TYRP1: variants seen among roughly 807,000 people sequenced by gnomAD.
TYRP1 encodes tyrosinase related protein 1.
TYRP1 carries 49 observed loss-of-function variants against 42.8 expected under a neutral mutation model. The ratio of observed to expected loss-of-function variants is 1.14; its 90% CI spans 0.91 to 1.45. TYRP1 has a LOEUF of 1.45. TYRP1 is among the 40% of genes most tolerant of loss of function. TYRP1 has a pLI of 0.00. For synonymous variants in TYRP1, 279 were observed against 235.4 expected, an observed-to-expected ratio of 1.19 and a Z score of -1.69; for missense variants, 848 against 662.0, an observed-to-expected ratio of 1.28 and a Z score of -3.08.
In TYRP1 at chr9:12,702,306, G is replaced by T. The variant is rs778721579; in HGVS notation, c.949G>T (p.Gly317Ter). The T allele has an allele frequency of 1.2e-6, 2 of 1,613,120 alleles. No individual in the cohort carries two copies. Reference protein sequence around the residue: ...EDGPIRRNPAGNVARPMVQRL... With the variant: ...EDGPIRRNPA ...TGGGCCAATTAGGAGAAATCCAGCT[G>T]GAAATGTGGCCAGACCAATGGTGCA... The change falls in exon 5 of 8, where the codon GGA becomes TGA. Residue 317 changes from glycine to a stop codon, truncating the protein, a stop_gained. Coordinates refer to ENST00000388918, the MANE Select transcript of TYRP1 (RefSeq NM_000550.3). LOFTEE classifies it high-confidence loss of function.
intron 6 of TYRP1, 22 bp from the exon 7 acceptor site, chr9:12,707,975 C>G (rs41303657): frequency 1.3e-6 from 2 of 1,596,864 alleles, no homozygotes; most frequent in East Asian, 2.3e-5. Flanking sequence ...TTTATTAATA[C>G]GTTGTCTTTG....
chr9:12,695,948 A>G (rs1323143499), intron 3 of TYRP1, 111 bp downstream of exon 3: 2 of 1,162,306 alleles, frequency 1.7e-6, no homozygotes, highest in East Asian at 2.5e-5. Context: ...ATGAAAAAGC[A>G]ATTTTATGTT....
At chr9:12,703,096 T>C (rs989562346) in intron 5 of TYRP1, among the ~76,000 whole-genome samples, 2 of 151,996 alleles carry the variant, frequency 1.3e-5, no homozygotes, top group African/African-American at 4.8e-5. Flanking sequence ...CCAGTGTCTT[T>C]GTATAATAAA....
At chr9:12,700,584 G>T (rs1818150882) in intron 4 of TYRP1, 1 of 152,036 alleles carries the variant, frequency 6.6e-6, no homozygotes, top group African/African-American at 2.4e-5. Context: ...GATGTTAGGT[G>T]CAATGGCAGA....
At chr9:12,697,602 A>G (rs1184162837) in intron 3 of TYRP1, among the ~76,000 whole-genome samples, 1 of 152,134 alleles carries the variant, frequency 6.6e-6, no homozygotes, top group Non-Finnish European at 1.5e-5. Flanking sequence ...AACAATTGCA[A>G]TCCCTACATT....
At chr9:12,701,319 C>T (rs1335191782) in intron 4 of TYRP1, among the ~76,000 whole-genome samples, 1 of 151,938 alleles carries the variant, frequency 6.6e-6, no homozygotes, top group African/African-American at 2.4e-5. Flanking sequence ...AACAGGCCCT[C>T]CCCCTTTTTT....
At chr9:12,698,419 CAG>C in intron 3 of TYRP1, 30 bp from the exon 4 acceptor site, 2 of 1,577,990 alleles carry the variant, frequency 1.3e-6, no homozygotes, top group Non-Finnish European at 8.7e-7. Flanking sequence ...TAAACAGAAG[CAG>C]AGAGTATTAA....
rs1358471766 is a variant in TYRP1 at position 12,709,993 on chromosome 9, A to G, written c.*811A>G. The stretch of plus-strand genomic sequence containing the variant: ...TGGAGAACATGTTTTATACTGCTCT[A>G]TAAATAGTATTCCAATCACTGTGCT... On this transcript the variant is annotated 3_prime_UTR_variant, in exon 8 of 8. Coordinates refer to ENST00000388918, the MANE Select transcript of TYRP1 (RefSeq NM_000550.3). 2 of 151,864 alleles carry G rather than the reference A, an allele frequency of 1.3e-5. No homozygotes were observed. The highest frequency in any genetic ancestry group is 4.8e-5 in the African/African-American group (2 of 41,434). 9.4% of individuals were successfully genotyped at this position (151,864 alleles called of 1,614,324 possible).
chr9:12,708,840 T>TC, intron 7 of TYRP1, 137 bp from the exon 8 acceptor site: 2 of 810,456 alleles, frequency 2.5e-6, no homozygotes, highest in Non-Finnish European at 4.0e-6. Context: ...AGGAAGTGGC[T>TC]TCAAGGCCAT....
rs542056783 is a variant in TYRP1, at chr9:12,709,051, G to T, written c.1483G>T (p.Gly495Trp). The T allele has an allele frequency of 1.2e-5, 19 of 1,612,780 alleles. No homozygotes were observed. The highest frequency in any genetic ancestry group is 1.7e-4 in the Middle Eastern group (1 of 6,058). Reference protein sequence around the residue: ...GALLLVALIFGTASYLIRARR... With the variant: ...GALLLVALIFWTASYLIRARR... ...TTTGTTACTGGTTGCACTCATTTTT[G>T]GGACTGCTTCTTATCTGATTCGTGC... Residue 495 changes from glycine to tryptophan, a missense_variant, in exon 8 of 8, where the codon GGG becomes TGG. Gly to Trp is a radical substitution (Grantham distance 184). Coordinates refer to ENST00000388918, the MANE Select transcript of TYRP1 (RefSeq NM_000550.3).
rs1221621578 is a variant in TYRP1, at chr9:12,695,816, G to A, written c.687G>A (p.Leu229=). Residue 229 remains leucine, a synonymous_variant, in exon 3 of 8, where the codon CTG becomes CTA. Coordinates refer to ENST00000388918, the MANE Select transcript of TYRP1 (RefSeq NM_000550.3). ...AFLTWHRYHL[L]RLEKDMQEML... is the part of the protein sequence containing the mutation. Reference sequence around the variant, plus strand: ...TCACATGGCACAGGTACCACCTCCTGCGTCTGGAGAAAGACATGCAGGTAT... The same window carrying A: ...TCACATGGCACAGGTACCACCTCCTACGTCTGGAGAAAGACATGCAGGTAT... 1.9e-6 allele frequency: 3 copies of A among 1,614,104 alleles called. No individual in the cohort carries two copies. The highest frequency in any genetic ancestry group is 2.5e-6 in the Non-Finnish European group (3 of 1,180,014).
chr9:12,698,476 C>T lies in TYRP1; in HGVS notation c.734C>T (p.Ser245Phe). Reference sequence around the variant, plus strand: ...GAAATGTTGCAAGAGCCTTCTTTCTCCCTTCCTTACTGGAATTTTGCAACG... The same window carrying T: ...GAAATGTTGCAAGAGCCTTCTTTCTTCCTTCCTTACTGGAATTTTGCAACG... The part of the protein sequence containing the change: ...MQEMLQEPSF[S>F]LPYWNFATGK... The change falls in exon 4 of 8, where the codon TCC (serine) becomes TTC (phenylalanine). Residue 245 changes from serine (S) to phenylalanine (F), a missense_variant. Ser to Phe is a radical substitution (Grantham distance 155). Coordinates refer to ENST00000388918, the MANE Select transcript of TYRP1 (RefSeq NM_000550.3). 1 of 1,613,686 alleles carries T rather than the reference C, an allele frequency of 6.2e-7. No homozygotes were observed. Among genetic ancestry groups the T allele is most frequent in the Non-Finnish European group, 8.5e-7 (1 of 1,179,746 alleles).
At position 12,709,791 on chromosome 9, in the gene TYRP1, A is replaced by C. The variant is rs965954145; in HGVS notation, c.*609A>C. On this transcript the variant is annotated 3_prime_UTR_variant, in exon 8 of 8. Coordinates refer to ENST00000388918, the MANE Select transcript of TYRP1 (RefSeq NM_000550.3). ...GTTCAAGGCTACAACAAAAATCACC[A>C]TCTTTGTCAAACTTTGGAGAGGGAA... The C allele has an allele frequency of 6.5e-6, 1 of 152,672 alleles. No homozygotes were observed. Among genetic ancestry groups the C allele is most frequent in the African/African-American group, 2.4e-5 (1 of 41,406 alleles). The allele number at this position is 152,672 out of a possible 1,614,324, so 9.5% of individuals were successfully genotyped here. A position where few individuals can be genotyped will look rare whatever the true frequency, so the allele number is the denominator to read the frequency against.
intron 5 of TYRP1, 28 bp from the exon 6 acceptor site, chr9:12,704,498 A>T (rs1818225310): frequency 6.2e-7 from 1 of 1,602,616 alleles, no homozygotes; most frequent in Non-Finnish European, 8.5e-7. Context: ...CAATAGTTTT[A>T]CTATTCTCCT....
In TYRP1 at chr9:12,709,363, T is replaced by A; in HGVS notation, c.*181T>A. The A allele has an allele frequency of 1.6e-6, 1 of 637,988 alleles. No individual in the cohort carries two copies. Among genetic ancestry groups the A allele is most frequent in the Non-Finnish European group, 2.7e-6 (1 of 367,072 alleles). 39.5% of individuals were successfully genotyped at this position (637,988 alleles called of 1,614,324 possible). ...GAAGACCCTTTCAGAATCTTTTCAA[T>A]GGGTTTTAATTTTCAGTTCTATTTA... On this transcript the variant is annotated 3_prime_UTR_variant, in exon 8 of 8. Coordinates refer to ENST00000388918, the MANE Select transcript of TYRP1 (RefSeq NM_000550.3).
chr9:12,708,895 AT>A lies in TYRP1; in HGVS notation c.1409-79del, dbSNP rs528081228. 720 of 1,251,068 alleles carry A rather than the reference AT, an allele frequency of 5.8e-4. 1 individual carries two copies. The highest frequency in any genetic ancestry group is 6.9e-4 in the Non-Finnish European group (602 of 876,626). The allele number at this position is 1,251,068 out of a possible 1,614,324, so 77.5% of individuals were successfully genotyped here. On this transcript the variant is annotated intron_variant, in intron 7 of 7. Coordinates refer to ENST00000388918, the MANE Select transcript of TYRP1 (RefSeq NM_000550.3). The stretch of plus-strand genomic sequence containing the variant: ...TATGAGGATTTCTGTTAAAATAGAC[AT>A]TTCTAAATTTCATCTGTCCACTTTT...
At position 12,695,507 on chromosome 9, in the gene TYRP1, C is replaced by T; in HGVS notation, c.386-8C>T. On this transcript the variant is annotated splice_region_variant and splice_polypyrimidine_tract_variant and intron_variant, in intron 2 of 7. Coordinates refer to ENST00000388918, the MANE Select transcript of TYRP1 (RefSeq NM_000550.3). ...ATGTTTTCATGCTTGAATTTTGTAT[C>T]CCTAAAGTCAGGAGAAATCTTCTGG... The T allele has an allele frequency of 6.2e-7, 1 of 1,613,946 alleles. No homozygotes were observed. Among genetic ancestry groups the T allele is most frequent in the Non-Finnish European group, 8.5e-7 (1 of 1,179,924 alleles).
In TYRP1 at chr9:12,698,142, T is replaced by G. The variant is rs370598647; in HGVS notation, c.709-309T>G. Among the ~76,000 whole-genome samples the G allele has an allele frequency of 1.6e-4, 24 of 152,228 alleles. No homozygotes were observed. In the South Asian group the frequency reaches 4.8e-3, roughly 30 times the overall value. On this transcript the variant is annotated intron_variant, in intron 3 of 7. Transcript: ENST00000388918. Reference sequence around the variant, plus strand: ...ATTGATAACTTTTTTGTATAACCAATATAAATGTAATTATCTGCCTAAAAA... The same window carrying G: ...ATTGATAACTTTTTTGTATAACCAAGATAAATGTAATTATCTGCCTAAAAA...
chr9:12,695,477 G>A (rs1818060581), intron 2 of TYRP1, 38 bp from the exon 3 acceptor site: 3 of 1,599,934 alleles, frequency 1.9e-6, no homozygotes, highest in Non-Finnish European at 2.6e-6. Context: ...ATCCCCGCAA[G>A]GCAGATGTTT....
Sources: gnomAD v4.1 joint callset for allele counts (sites outside exome capture counted in the v4.1 genomes callset) on GRCh38, gnomAD v4.1.1 for gene constraint, MANE v1.5 for transcripts, NCBI Gene and HGNC (gene_info 2026-07-23, HGNC 2026-07-21) for gene names.